Variants in PHF14 observed in about 807,000 individuals in gnomAD.
PHF14 encodes PHD finger protein 14.
PHF14 carries 55 observed loss-of-function variants against 117.9 expected under a neutral mutation model. The ratio of observed to expected loss-of-function variants is 0.47; its 90% CI spans 0.38 to 0.58. The LOEUF (loss-of-function observed/expected upper bound fraction) is 0.58. Among genes scored for constraint, PHF14 ranks in the 20% least tolerant of loss-of-function variants. The pLI, the probability that PHF14 is intolerant of heterozygous loss-of-function variation, is 0.00. For missense variants in PHF14, 978 were observed against 1,122.2 expected (o/e 0.87, Z 1.84); for synonymous variants, 409 against 368.6 (o/e 1.11, Z -1.26).
intron 17 of PHF14, among the ~76,000 whole-genome samples, chr7:11,129,170 A>G (rs1004126529): frequency 2.0e-5 from 3 of 152,058 alleles, no homozygotes; most frequent in Non-Finnish European, 4.4e-5. Flanking sequence ...TTATTTTTAA[A>G]ACTTTTATTT....
chr7:11,033,215 A>G (rs1000359660), intron 7 of PHF14, among the ~76,000 whole-genome samples: 9 of 152,222 alleles, frequency 5.9e-5, no homozygotes, highest in African/African-American at 1.9e-4. Context: ...GACTGGTTTA[A>G]CAAAACCAAG....
chr7:10,991,081 C>T (rs1782432072), intron 4 of PHF14, among the ~76,000 whole-genome samples: 1 of 152,164 alleles, frequency 6.6e-6, no homozygotes, highest in Non-Finnish European at 1.5e-5. Flanking sequence ...ACCTCCACCT[C>T]CCAGGTTCAA....
chr7:11,086,067 T>C (rs1258233411), intron 16 of PHF14, among the ~76,000 whole-genome samples: 1 of 152,174 alleles, frequency 6.6e-6, no homozygotes, highest in Non-Finnish European at 1.5e-5. Context: ...CTGTGAGGAT[T>C]AAATGAATAA....
At position 11,062,084 on chromosome 7, in the gene PHF14, A is replaced by C; in HGVS notation, c.2653A>C (p.Arg885=). 6.2e-7 allele frequency: 1 copy of C among 1,605,422 alleles called. No homozygotes were observed. Among genetic ancestry groups the C allele is most frequent in the South Asian group, 1.1e-5 (1 of 88,792 alleles). The change falls in exon 16 of 18, where the codon AGG becomes CGG. Residue 885 remains arginine (R), a splice_region_variant and synonymous_variant. Transcript: ENST00000634607. ...KGTGDNENLV[R]CDECRLCYHF... The stretch of plus-strand genomic sequence containing the variant: ...AACTGGAGACAATGAAAATCTTGTC[A>C]GGTAAGTTGGATGCTAAAACCTTGT...
intron 17 of PHF14, among the ~76,000 whole-genome samples, chr7:11,137,532 T>C (rs1427456512): frequency 6.6e-6 from 1 of 152,058 alleles, no homozygotes; most frequent in Non-Finnish European, 1.5e-5. Context: ...TTTAACTTTA[T>C]TATTAATATA....
In PHF14 at chr7:11,030,137, C is replaced by G. The variant is rs1171760391; in HGVS notation, c.1455+1319C>G. ...ACTTTGATGAAGGCTACTAGATGAA[C>G]AGTGAGCATCTTCTCAGCTACTAGG... On this transcript the variant is annotated intron_variant, in intron 7 of 17. Coordinates refer to ENST00000634607, the MANE Select transcript of PHF14 (RefSeq NM_001007157.2). Among the ~76,000 whole-genome samples the G allele has an allele frequency of 2.0e-5, 3 of 150,076 alleles. No individual in the cohort carries two copies. The East Asian group carries it at 5.8e-4, about 29-fold the overall frequency.
At chr7:11,077,052 A>G (rs890372509) in intron 16 of PHF14, among the ~76,000 whole-genome samples, 3 of 151,974 alleles carry the variant, frequency 2.0e-5, no homozygotes, top group African/African-American at 7.2e-5. Context: ...AATACTATCT[A>G]TATTTATGAA....
intron 17 of PHF14, among the ~76,000 whole-genome samples, chr7:11,133,691 C>T (rs1053020548): frequency 1.3e-4 from 19 of 151,836 alleles, no homozygotes; most frequent in African/African-American, 4.6e-4. Flanking sequence ...GGGCAGTGTC[C>T]TTACTGCACT....
chr7:11,004,887 T>C (rs187562355), intron 4 of PHF14, among the ~76,000 whole-genome samples: 421 of 151,940 alleles, frequency 2.8e-3, no homozygotes, highest in African/African-American at 9.8e-3. Context: ...AATACAAAAA[T>C]TAGCCTGTAA....
intron 13 of PHF14, among the ~76,000 whole-genome samples, chr7:11,043,542 A>G (rs559046405): frequency 2.2e-4 from 33 of 152,250 alleles, no homozygotes; most frequent in African/African-American, 7.9e-4. Flanking sequence ...GGTAATCTCT[A>G]CAAGAGGTTG....
chr7:11,051,797 T>C lies in PHF14; in HGVS notation c.2481+17T>C, dbSNP rs2128326780. The C allele has an allele frequency of 8.1e-6, 13 of 1,609,450 alleles. No individual in the cohort carries two copies. The highest frequency in any genetic ancestry group is 1.1e-5 in the Non-Finnish European group (13 of 1,176,626). ...AGAAACACGGTAGTTTATTTTTTATTTATCATAAGCATCATACAATTCTGA... is the reference window on the plus strand; with the variant it reads ...AGAAACACGGTAGTTTATTTTTTATCTATCATAAGCATCATACAATTCTGA... On this transcript the variant is annotated intron_variant, in intron 14 of 17. Transcript: ENST00000634607.
intron 16 of PHF14, among the ~76,000 whole-genome samples, chr7:11,075,587 T>TTTA (rs55801039): frequency 0.011 from 1,416 of 131,676 alleles, 18 homozygotes; most frequent in Middle Eastern, 0.031. Flanking sequence ...TTTTTTTTTT[T>TTTA]TTTATTATTA....
chr7:11,140,813 T>A (rs1330830345), intron 17 of PHF14, among the ~76,000 whole-genome samples: 1 of 152,136 alleles, frequency 6.6e-6, no homozygotes, highest in Non-Finnish European at 1.5e-5. Flanking sequence ...GCTGGCATTA[T>A]CTGAAATTGT....
chr7:11,091,277 G>A (rs920555235), intron 16 of PHF14, among the ~76,000 whole-genome samples: 3 of 152,098 alleles, frequency 2.0e-5, no homozygotes, highest in South Asian at 4.1e-4. Context: ...AAAGGGAAGC[G>A]TTTAAAGCAA....
At chr7:11,115,769 G>A (rs1255000148) in intron 17 of PHF14, among the ~76,000 whole-genome samples, 2 of 151,958 alleles carry the variant, frequency 1.3e-5, no homozygotes. Context: ...TCTTGAATCT[G>A]GACAGTTCCT....
At chr7:11,152,376 A>G (rs993546411) in intron 17 of PHF14, among the ~76,000 whole-genome samples, 2 of 152,170 alleles carry the variant, frequency 1.3e-5, no homozygotes, top group South Asian at 2.1e-4. Flanking sequence ...CAATTTCCTC[A>G]TTGGAACATA....
At chr7:11,133,672 T>G (rs1016395577) in intron 17 of PHF14, among the ~76,000 whole-genome samples, 1 of 151,898 alleles carries the variant, frequency 6.6e-6, no homozygotes, top group Non-Finnish European at 1.5e-5. Context: ...ACATGCAATA[T>G]GGAGTTTAGG....
At chr7:11,168,452 A>G (rs938615720) in intron 17 of PHF14, among the ~76,000 whole-genome samples, 7 of 152,232 alleles carry the variant, frequency 4.6e-5, no homozygotes, top group African/African-American at 1.7e-4. Flanking sequence ...TATAAAGTCA[A>G]TTCACAAAGT....
At chr7:11,162,391 G>A (rs1000766480) in intron 17 of PHF14, among the ~76,000 whole-genome samples, 3 of 151,996 alleles carry the variant, frequency 2.0e-5, no homozygotes, top group African/African-American at 4.8e-5. Flanking sequence ...CGCCTAGCCA[G>A]ATGTCTTAAA....
Sources: allele counts gnomAD v4.1 joint callset (sites outside exome capture counted in the v4.1 genomes callset), GRCh38; gene constraint gnomAD v4.1.1; transcripts MANE v1.5; gene names NCBI Gene and HGNC (gene_info 2026-07-23, HGNC 2026-07-21).